ANKFY1: variants seen among roughly 807,000 people sequenced by gnomAD.
ANKFY1 encodes ankyrin repeat and FYVE domain containing 1.
A neutral mutation model predicts 128.3 loss-of-function variants in ANKFY1; 47 were observed. The ratio of observed to expected loss-of-function variants is 0.37; its 90% CI spans 0.29 to 0.47. ANKFY1 has a LOEUF of 0.47. ANKFY1 is among the 20% of genes least tolerant of loss of function. The pLI is 1.00. For synonymous variants in ANKFY1, 553 were observed against 601.6 expected (o/e 0.92, Z 1.18); for missense variants, 1,222 against 1,510.6 (o/e 0.81, Z 3.17).
rs59058325 is a variant in ANKFY1 at position 4,201,479 on chromosome 17, ATTTTTTTTTTTT to A, written c.899-3914_899-3903del. On this transcript the variant is annotated intron_variant, in intron 7 of 24. Transcript: ENST00000341657. ...CAGATGCTAGATTGGCCTGTGTCTG[ATTTTTTTTTTTT>A]TTTTTTTTTTTTGTATTCACACTGT... Among the ~76,000 whole-genome samples the A allele has an allele frequency of 3.4e-3, 468 of 135,708 alleles. 1 individual carries two copies. Among genetic ancestry groups the A allele is most frequent in the African/African-American group, 0.012 (447 of 36,908 alleles). The allele number at this position is 135,708 out of a possible 152,430, so 89.0% of individuals were successfully genotyped here.
intron 10 of ANKFY1, among the ~76,000 whole-genome samples, chr17:4,193,262 T>C (rs1291904121): frequency 6.6e-6 from 1 of 152,112 alleles, no homozygotes; most frequent in Admixed American, 6.5e-5. Context: ...CTTTTGTTTG[T>C]TTGTTTTTTA....
intron 3 of ANKFY1, among the ~76,000 whole-genome samples, chr17:4,218,841 C>T (rs1319092910): frequency 6.6e-6 from 1 of 152,090 alleles, no homozygotes; most frequent in East Asian, 1.9e-4. Context: ...TGCACCACTG[C>T]ACTCCAGCAT....
intron 7 of ANKFY1, among the ~76,000 whole-genome samples, chr17:4,197,783 A>T (rs1054361582): frequency 1.7e-4 from 26 of 152,082 alleles, no homozygotes; most frequent in Non-Finnish European, 1.5e-5. Context: ...ATTTTTGGTT[A>T]CCTGTTACCA....
rs747993838 is a variant in ANKFY1, at chr17:4,179,829, T to C, written c.2289A>G (p.Gly763=). The change falls in exon 17 of 25, where the codon GGA becomes GGG. Residue 763 remains glycine (G), a synonymous_variant. Coordinates refer to ENST00000341657, the MANE Select transcript of ANKFY1 (RefSeq NM_001330063.2). ...SPRQPGANGE[G]EEEARDGQTP... ...TCTGCCCATCTCTAGCCTCTTCCTCTCCTTCTCCATTGGCGCCTGGTTGTC... is the reference window on the plus strand; with the variant it reads ...TCTGCCCATCTCTAGCCTCTTCCTCCCCTTCTCCATTGGCGCCTGGTTGTC... 1 of 1,614,234 alleles carries C rather than the reference T, an allele frequency of 6.2e-7. No individual in the cohort carries two copies. Among genetic ancestry groups the C allele is most frequent in the Non-Finnish European group, 8.5e-7 (1 of 1,180,032 alleles).
intron 4 of ANKFY1, among the ~76,000 whole-genome samples, chr17:4,215,359 T>G (rs2060203957): frequency 6.6e-6 from 1 of 151,880 alleles, no homozygotes; most frequent in Non-Finnish European, 1.5e-5. Flanking sequence ...AAGAAAAGAT[T>G]TTCCTGATGC....
At chr17:4,176,755 T>C (rs1221838614) in intron 19 of ANKFY1, among the ~76,000 whole-genome samples, 1 of 152,218 alleles carries the variant, frequency 6.6e-6, no homozygotes, top group African/African-American at 2.4e-5. Flanking sequence ...CTTTGTAAAA[T>C]GTAAAACATT....
chr17:4,263,874 G>T, intron 1 of ANKFY1, 58 bp downstream of exon 1: 1 of 1,613,168 alleles, frequency 6.2e-7, no homozygotes, highest in Non-Finnish European at 8.5e-7. Context: ...GCTTCGCACG[G>T]CCAGCAGCGC....
chr17:4,220,926 G>A (rs1289500967), intron 3 of ANKFY1, among the ~76,000 whole-genome samples: 1 of 152,218 alleles, frequency 6.6e-6, no homozygotes, highest in African/African-American at 2.4e-5. Context: ...TCCGAGTCCT[G>A]CGTGAGGGAG....
intron 20 of ANKFY1, 48 bp downstream of exon 20, chr17:4,173,861 C>G: frequency 6.3e-7 from 1 of 1,585,366 alleles, no homozygotes; most frequent in Non-Finnish European, 8.6e-7. Flanking sequence ...ACCCCCACCC[C>G]TAGAATGGAG....
At position 4,181,039 on chromosome 17, in the gene ANKFY1, ATTCT is replaced by A; in HGVS notation, c.2240+211_2240+214del. The A allele has an allele frequency of 1.9e-6, 1 of 517,916 alleles. No individual in the cohort carries two copies. Among genetic ancestry groups the A allele is most frequent in the Non-Finnish European group, 3.5e-6 (1 of 285,352 alleles). The allele number at this position is 517,916 out of a possible 1,614,324, so 32.1% of individuals were successfully genotyped here. On this transcript the variant is annotated intron_variant, in intron 16 of 24. Coordinates refer to ENST00000341657, the MANE Select transcript of ANKFY1 (RefSeq NM_001330063.2). The surrounding 1 kb of genome is among the most constrained non-coding windows in gnomAD (Gnocchi z 4.9). Reference sequence around the variant, plus strand: ...GCAGGACGCTGACTCCAGCTTTCAGATTCTTTGATTCAGGGCTGTGAGCTCCTCC... The same window carrying A: ...GCAGGACGCTGACTCCAGCTTTCAGATTGATTCAGGGCTGTGAGCTCCTCC...
chr17:4,260,048 T>C (rs1302647999), intron 1 of ANKFY1, among the ~76,000 whole-genome samples: 1 of 151,954 alleles, frequency 6.6e-6, no homozygotes, highest in Admixed American at 6.6e-5. Flanking sequence ...AGGGGCACAG[T>C]GAATGAAAGT....
At chr17:4,228,439 CAG>C in intron 3 of ANKFY1, among the ~76,000 whole-genome samples, 1 of 149,658 alleles carries the variant, frequency 6.7e-6, no homozygotes, top group Non-Finnish European at 1.5e-5. Context: ...TTTCTTGAGA[CAG>C]AGTCTCACTC....
Position 4,209,010 on chromosome 17 carries a change from G to A in ANKFY1, c.582+814C>T, listed in dbSNP as rs143016128. On this transcript the variant is annotated intron_variant, in intron 5 of 24. Transcript: ENST00000341657. Reference sequence around the variant, plus strand: ...GGAGGCGGAGGTTGCAGGGAGCTGAGACCGTGCCATTGCACTCCAGCCTGG... The same window carrying A: ...GGAGGCGGAGGTTGCAGGGAGCTGAAACCGTGCCATTGCACTCCAGCCTGG... Among the ~76,000 whole-genome samples the A allele has an allele frequency of 6.0e-3, 909 of 151,650 alleles. 2 individuals carry two copies. Among genetic ancestry groups the A allele is most frequent in the South Asian group, 0.028 (136 of 4,800 alleles).
At chr17:4,195,262 C>A in intron 9 of ANKFY1, 85 bp from the exon 10 acceptor site, 2 of 1,436,024 alleles carry the variant, frequency 1.4e-6, no homozygotes, top group Non-Finnish European at 1.9e-6. Context: ...TTCTCTTTAC[C>A]CTTTTTCAAT....
intron 3 of ANKFY1, chr17:4,222,618 AAAG>A: frequency 9.3e-7 from 1 of 1,071,890 alleles, no homozygotes; most frequent in Admixed American, 1.9e-5. Context: ...TCAATTCTTC[AAAG>A]AATTTTACCG....
chr17:4,178,158 T>A lies in ANKFY1; in HGVS notation c.2598+699A>T, dbSNP rs1217046020. The A allele has an allele frequency of 6.5e-6, 1 of 152,914 alleles. No homozygotes were observed. Among genetic ancestry groups the A allele is most frequent in the African/African-American group, 2.4e-5 (1 of 41,472 alleles). 9.5% of individuals were successfully genotyped at this position (152,914 alleles called of 1,614,324 possible). On this transcript the variant is annotated intron_variant, in intron 18 of 24. Coordinates refer to ENST00000341657, the MANE Select transcript of ANKFY1 (RefSeq NM_001330063.2). The surrounding 1 kb of genome is among the most constrained non-coding windows in gnomAD (Gnocchi z 4.1). ...CGCAATCCAGTCACACTTGTGAAAA[T>A]GCTGAAGACGGTGGTTACGGAAGCC...
intron 1 of ANKFY1, among the ~76,000 whole-genome samples, chr17:4,243,364 CCT>C: frequency 6.6e-6 from 1 of 151,158 alleles, no homozygotes; most frequent in African/African-American, 2.5e-5. Context: ...CCGCGCCCAG[CCT>C]CTTTTTTTTT....
chr17:4,169,124 G>A lies in ANKFY1; in HGVS notation c.3377+74C>T. On this transcript the variant is annotated intron_variant, in intron 24 of 24. Coordinates refer to ENST00000341657, the MANE Select transcript of ANKFY1 (RefSeq NM_001330063.2). This position sits in a 1 kb window ranked among gnomAD's most constrained non-coding sequence, Gnocchi z 5.0. ...CAGGACCCAGGCAAGTTCACGGCCT[G>A]TCCTGGAGAAGGGGGGAAGCAATGA... 1 of 1,402,408 alleles carries A rather than the reference G, an allele frequency of 7.1e-7. No individual in the cohort carries two copies. 86.9% of individuals were successfully genotyped at this position (1,402,408 alleles called of 1,614,324 possible).
At chr17:4,245,121 C>T (rs1253770049) in intron 1 of ANKFY1, among the ~76,000 whole-genome samples, 1 of 152,162 alleles carries the variant, frequency 6.6e-6, no homozygotes, top group Admixed American at 6.5e-5. Flanking sequence ...CCAGCAACCA[C>T]AATACCATCC....
Sources: gnomAD v4.1 joint callset for allele counts (sites outside exome capture counted in the v4.1 genomes callset) on GRCh38, gnomAD v4.1.1 for gene constraint, Gnocchi (gnomAD v3.1) non-coding constraint, MANE v1.5 for transcripts, NCBI Gene and HGNC (gene_info 2026-07-23, HGNC 2026-07-21) for gene names.